Variants in DPP10 observed in about 807,000 individuals in gnomAD.
The protein encoded by DPP10 is inactive dipeptidyl peptidase 10.
In DPP10, 33 loss-of-function variants were observed where a neutral mutation model predicts 120.9. The ratio of observed to expected loss-of-function variants is 0.27; its 90% CI spans 0.21 to 0.37. DPP10 has a LOEUF of 0.37. Ranked by LOEUF, DPP10 falls within the 10% of genes least tolerant of loss-of-function variation. The pLI, the probability that DPP10 is intolerant of heterozygous loss-of-function variation, is 1.00. For synonymous variants in DPP10, 337 were observed against 326.1 expected, an observed-to-expected ratio of 1.03 and a Z score of -0.36; for missense variants, 816 against 942.8, an observed-to-expected ratio of 0.87 and a Z score of 1.76.
intron 5 of DPP10, among the ~76,000 whole-genome samples, chr2:115,603,122 C>CTG (rs61161169): frequency 2.4e-3 from 340 of 143,996 alleles, no homozygotes; most frequent in Middle Eastern, 0.011. Flanking sequence ...ATAAATAAAA[C>CTG]TGTGTGTGTG....
chr2:114,692,678 G>T (rs1180884466), intron 1 of DPP10, among the ~76,000 whole-genome samples: 2 of 152,008 alleles, frequency 1.3e-5, no homozygotes, highest in African/African-American at 4.8e-5. Flanking sequence ...TGTCAGTGAG[G>T]TATTAAAGTC....
At chr2:115,505,249 T>C (rs1486891696) in intron 4 of DPP10, among the ~76,000 whole-genome samples, 5 of 151,800 alleles carry the variant, frequency 3.3e-5, no homozygotes, top group South Asian at 2.1e-4. Context: ...CTGAGTAATA[T>C]AAAAATAATA....
chr2:115,188,360 G>C (rs2054620439), intron 1 of DPP10, among the ~76,000 whole-genome samples: 1 of 152,184 alleles, frequency 6.6e-6, no homozygotes, highest in African/African-American at 2.4e-5. Context: ...GGTCCTGGGT[G>C]AATGTCAGGT....
chr2:115,732,402 T>C (rs2092931753), intron 8 of DPP10, among the ~76,000 whole-genome samples: 1 of 152,214 alleles, frequency 6.6e-6, no homozygotes, highest in Non-Finnish European at 1.5e-5. Flanking sequence ...TCTTTGTCTC[T>C]ATTTTTAGTA....
chr2:115,233,533 C>T (rs1427093558), intron 1 of DPP10, among the ~76,000 whole-genome samples: 7 of 152,136 alleles, frequency 4.6e-5, no homozygotes, highest in Non-Finnish European at 7.4e-5. Flanking sequence ...CTTTTCCCAT[C>T]GCCTTCATGT....
intron 1 of DPP10, among the ~76,000 whole-genome samples, chr2:115,271,618 C>T (rs1231018603): frequency 2.0e-5 from 3 of 152,044 alleles, no homozygotes; most frequent in Non-Finnish European, 2.9e-5. Context: ...ATTTATTCAG[C>T]TGAACTAGAA....
intron 1 of DPP10, among the ~76,000 whole-genome samples, chr2:115,043,463 A>T (rs1234600707): frequency 1.3e-5 from 2 of 152,230 alleles, no homozygotes; most frequent in Middle Eastern, 3.2e-3. Flanking sequence ...TTGTGTAGTT[A>T]CGCATTTAAA....
chr2:114,767,207 C>CAAAAAAAAAAAAAAA (rs5833559), intron 1 of DPP10, among the ~76,000 whole-genome samples: 7 of 33,060 alleles, frequency 2.1e-4, no homozygotes, highest in South Asian at 2.4e-3. Flanking sequence ...AGGATAAAAG[C>CAAAAAAAAAAAAAAA]AAAAAAAAAA....
chr2:115,356,103 G>C lies in DPP10; in HGVS notation c.271+12191G>C, dbSNP rs575580469. ...TCTTCTTCTGTGAAGAAAGTCAATG[G>C]TAGTTTGATGGGAATAGCATTGAAT... is the stretch of plus-strand genomic sequence containing the variant. On this transcript the variant is annotated intron_variant, in intron 3 of 25. Transcript: ENST00000410059. 2.8e-4 allele frequency among the ~76,000 whole-genome samples: 43 copies of C among 152,240 alleles called. No homozygotes were observed. In the South Asian group the frequency reaches 8.9e-3, roughly 32 times the overall value.
chr2:114,472,574 C>T (rs1028715101), intron 1 of DPP10, among the ~76,000 whole-genome samples: 3 of 152,094 alleles, frequency 2.0e-5, no homozygotes, highest in Non-Finnish European at 2.9e-5. Flanking sequence ...TTCTCACCTT[C>T]GATGCAGGCT....
chr2:115,148,980 T>C lies in DPP10; in HGVS notation c.61-160259T>C, dbSNP rs185206848. Reference sequence around the variant, plus strand: ...TGTCTTTTAGCTTCAATATCATCAATGTGTCATCTCCCTTGTTCCCACAAA... The same window carrying C: ...TGTCTTTTAGCTTCAATATCATCAACGTGTCATCTCCCTTGTTCCCACAAA... On this transcript the variant is annotated intron_variant, in intron 1 of 25. Coordinates refer to ENST00000410059, the MANE Select transcript of DPP10 (RefSeq NM_020868.6). Among the ~76,000 whole-genome samples, 226 of 152,322 alleles carry C rather than the reference T, an allele frequency of 1.5e-3. 2 individuals carry two copies. Among genetic ancestry groups the C allele is most frequent in the African/African-American group, 5.1e-3 (212 of 41,584 alleles).
intron 2 of DPP10, among the ~76,000 whole-genome samples, chr2:115,342,814 G>T (rs930288875): frequency 4.0e-5 from 6 of 151,788 alleles, no homozygotes; most frequent in Middle Eastern, 3.4e-3. Flanking sequence ...TTTTTTCTTG[G>T]CAGTTATTTT....
At chr2:114,745,203 A>G (rs1318120994) in intron 1 of DPP10, among the ~76,000 whole-genome samples, 2 of 152,210 alleles carry the variant, frequency 1.3e-5, no homozygotes, top group African/African-American at 4.8e-5. Context: ...GTGTTTTGAA[A>G]ACAGCTTCAG....
chr2:115,219,658 C>T (rs2057032814), intron 1 of DPP10, among the ~76,000 whole-genome samples: 1 of 152,028 alleles, frequency 6.6e-6, no homozygotes, highest in Non-Finnish European at 1.5e-5. Flanking sequence ...ACCCTAAATT[C>T]TCAATATAAA....
intron 3 of DPP10, among the ~76,000 whole-genome samples, chr2:115,412,866 T>C (rs2069066742): frequency 6.6e-6 from 1 of 152,184 alleles, no homozygotes; most frequent in Non-Finnish European, 1.5e-5. Context: ...GGTGCTTCCA[T>C]TGTATTATTA....
chr2:115,337,748 T>C (rs996198368), intron 2 of DPP10, among the ~76,000 whole-genome samples: 3 of 150,322 alleles, frequency 2.0e-5, no homozygotes, highest in African/African-American at 7.3e-5. Context: ...ATTCATTATG[T>C]GTATAAGGAA....
At chr2:115,613,959 T>C (rs2084300714) in intron 5 of DPP10, among the ~76,000 whole-genome samples, 1 of 152,094 alleles carries the variant, frequency 6.6e-6, no homozygotes, top group Admixed American at 6.5e-5. Flanking sequence ...GGAGGGAAAA[T>C]AGTATACTCA....
At chr2:115,649,173 A>G (rs1575435304) in intron 5 of DPP10, among the ~76,000 whole-genome samples, 1 of 152,140 alleles carries the variant, frequency 6.6e-6, no homozygotes, top group East Asian at 1.9e-4. Flanking sequence ...TGTAATCCTA[A>G]AGGGATTAGT....
At chr2:115,422,669 TTAAA>T (rs2070086198) in intron 3 of DPP10, among the ~76,000 whole-genome samples, 1 of 152,172 alleles carries the variant, frequency 6.6e-6, no homozygotes, top group Non-Finnish European at 1.5e-5. Flanking sequence ...TTTTAGTCCT[TTAAA>T]TAAAGTTGAA....
Sources: allele counts gnomAD v4.1 joint callset (sites outside exome capture counted in the v4.1 genomes callset), GRCh38; gene constraint gnomAD v4.1.1; transcripts MANE v1.5; gene names NCBI Gene and HGNC (gene_info 2026-07-23, HGNC 2026-07-21).